CNGA1: variants seen among roughly 807,000 people sequenced by gnomAD.
CNGA1 encodes cyclic nucleotide gated channel subunit alpha 1, also known as cyclic nucleotide-gated channel alpha-1.
Under a neutral mutation model 69.7 loss-of-function variants are expected in CNGA1, and 53 were observed. The ratio of observed to expected loss-of-function variants is 0.76; its 90% CI spans 0.61 to 0.96. The LOEUF (loss-of-function observed/expected upper bound fraction) is 0.96. Ranked by LOEUF, CNGA1 falls within the 40% of genes least tolerant of loss-of-function variation. The probability of loss-of-function intolerance (pLI) is 0.00; values close to 1 mark genes in which losing one functional copy is unlikely to be tolerated. For missense variants in CNGA1, 739 were observed against 811.2 expected (o/e 0.91, Z 1.08); for synonymous variants, 249 against 283.5 (o/e 0.88, Z 1.22).
At chr4:48,000,344 CA>C (rs767887019) in intron 2 of CNGA1, among the ~76,000 whole-genome samples, 9 of 150,636 alleles carry the variant, frequency 6.0e-5, no homozygotes, top group Middle Eastern at 3.5e-3. Context: ...CACTTCAAAG[CA>C]AATAAAAGCC....
Position 47,937,682 on chromosome 4 carries a change from C to T in CNGA1, c.800G>A (p.Arg267Lys). The T allele has an allele frequency of 6.2e-7, 1 of 1,614,112 alleles. No individual in the cohort carries two copies. The highest frequency in any genetic ancestry group is 8.5e-7 in the Non-Finnish European group (1 of 1,180,008). The change falls in exon 11 of 11, where the codon AGA (arginine) becomes AAA (lysine). Residue 267 changes from arginine to lysine, a missense_variant. Physicochemically the swap from Arg to Lys is conservative, Grantham distance 26 (BLOSUM62 2). Transcript: ENST00000514170. ...FKLGWNYPEIRLNRLLRFSRM... is the reference protein window; with the variant it reads ...FKLGWNYPEIKLNRLLRFSRM... ...AGAGAACCGTAACAACCTGTTTAAT[C>T]TAATTTCTGGATAGTTCCACCCTAA...
chr4:47,942,421 GAT>G (rs1437726861), intron 8 of CNGA1, among the ~76,000 whole-genome samples: 1 of 148,626 alleles, frequency 6.7e-6, no homozygotes, highest in Non-Finnish European at 1.5e-5. Context: ...ATGTTAAAGA[GAT>G]GTGTAAAAAT....
At chr4:47,942,884 T>G (rs980254287) in intron 8 of CNGA1, 19 of 227,220 alleles carry the variant, frequency 8.4e-5, no homozygotes, top group African/African-American at 3.6e-4. Flanking sequence ...TAAATATTTC[T>G]CAGCGATAAG....
At chr4:47,943,883 T>C (rs1425459194) in intron 6 of CNGA1, among the ~76,000 whole-genome samples, 1 of 152,206 alleles carries the variant, frequency 6.6e-6, no homozygotes, top group Non-Finnish European at 1.5e-5. Context: ...ACAAGCTGTC[T>C]GGTAATATGG....
At chr4:47,952,527 T>A in intron 4 of CNGA1, 56 bp downstream of exon 4, 1 of 1,579,892 alleles carries the variant, frequency 6.3e-7, no homozygotes, top group South Asian at 1.1e-5. Context: ...TAAATCTAGT[T>A]AAATTAAAGA....
chr4:47,992,879 T>C (rs2110237251), intron 2 of CNGA1, among the ~76,000 whole-genome samples: 1 of 152,178 alleles, frequency 6.6e-6, no homozygotes, highest in African/African-American at 2.4e-5. Flanking sequence ...ATGCTGATTT[T>C]GCTGAGAGTT....
At chr4:47,980,835 G>A (rs1346099218) in intron 3 of CNGA1, among the ~76,000 whole-genome samples, 1 of 151,606 alleles carries the variant, frequency 6.6e-6, no homozygotes, top group Non-Finnish European at 1.5e-5. Context: ...AGAAGGCAAG[G>A]TGATTTAAAT....
chr4:47,948,113 G>A (rs184118867), intron 6 of CNGA1, among the ~76,000 whole-genome samples: 1 of 151,944 alleles, frequency 6.6e-6, no homozygotes, highest in Admixed American at 6.5e-5. Context: ...ATTATTTAGG[G>A]GCATATGAAG....
intron 3 of CNGA1, among the ~76,000 whole-genome samples, chr4:47,967,445 C>T (rs981062156): frequency 3.3e-5 from 5 of 152,188 alleles, no homozygotes; most frequent in South Asian, 4.1e-4. Flanking sequence ...GAGGTTCTAG[C>T]GCTTGCAATA....
chr4:47,992,075 T>C (rs1250411174), intron 2 of CNGA1, among the ~76,000 whole-genome samples: 1 of 152,206 alleles, frequency 6.6e-6, no homozygotes, highest in Non-Finnish European at 1.5e-5. Flanking sequence ...TATGGCCTTA[T>C]AGTATAGTTT....
chr4:47,996,507 G>A (rs1049434327), intron 2 of CNGA1, among the ~76,000 whole-genome samples: 3 of 152,030 alleles, frequency 2.0e-5, no homozygotes, highest in African/African-American at 7.2e-5. Flanking sequence ...TCAAGGTATG[G>A]TAAATAGAAA....
chr4:48,003,241 T>C (rs1406553888), intron 2 of CNGA1, among the ~76,000 whole-genome samples: 1 of 152,114 alleles, frequency 6.6e-6, no homozygotes, highest in African/African-American at 2.4e-5. Context: ...GGCTTTCAGG[T>C]CATAGGTAGA....
At chr4:47,985,489 CT>C (rs1741937747) in intron 2 of CNGA1, among the ~76,000 whole-genome samples, 1 of 152,140 alleles carries the variant, frequency 6.6e-6, no homozygotes, top group African/African-American at 2.4e-5. Flanking sequence ...TTGCTTGTTA[CT>C]TGAAACTTTC....
In CNGA1 at chr4:47,937,036, A is replaced by G. The variant is rs369806156; in HGVS notation, c.1446T>C (p.Gly482=). 3 of 1,614,010 alleles carry G rather than the reference A, an allele frequency of 1.9e-6. No individual in the cohort carries two copies. Among genetic ancestry groups the G allele is most frequent in the African/African-American group, 1.3e-5 (1 of 74,894 alleles). ...ATTTCAAGACCAACTCCACCAACAG[A>G]CCAGCTTCACAATCAGCAAAAATGC... The part of the protein sequence containing the change: ...KVRIFADCEA[G]LLVELVLKLQ... The change falls in exon 11 of 11, where the codon GGT becomes GGC. Residue 482 remains glycine, a synonymous_variant. Coordinates refer to ENST00000514170, the MANE Select transcript of CNGA1 (RefSeq NM_001379270.1).
At chr4:47,996,641 T>C (rs765122464) in intron 2 of CNGA1, among the ~76,000 whole-genome samples, 1 of 152,198 alleles carries the variant, frequency 6.6e-6, no homozygotes, top group Non-Finnish European at 1.5e-5. Context: ...AATAATTCAT[T>C]GTAATTGTAT....
At chr4:47,974,008 C>T (rs1741191350) in intron 3 of CNGA1, among the ~76,000 whole-genome samples, 1 of 151,736 alleles carries the variant, frequency 6.6e-6, no homozygotes, top group African/African-American at 2.4e-5. Flanking sequence ...GCCTGGGCAA[C>T]ATGGCGAAAC....
At chr4:48,015,688 C>T (rs778978477) in intron 1 of CNGA1, among the ~76,000 whole-genome samples, 1 of 152,118 alleles carries the variant, frequency 6.6e-6, no homozygotes, top group Non-Finnish European at 1.5e-5. Flanking sequence ...CTGTAGCCTC[C>T]ACCTCCTGGG....
At chr4:47,987,965 A>G (rs1742058371) in intron 2 of CNGA1, among the ~76,000 whole-genome samples, 1 of 152,174 alleles carries the variant, frequency 6.6e-6, no homozygotes, top group Non-Finnish European at 1.5e-5. Context: ...AGAGGGATTT[A>G]AAGAGTTAAG....
intron 3 of CNGA1, among the ~76,000 whole-genome samples, chr4:47,956,060 A>T (rs1740067079): frequency 6.6e-6 from 1 of 152,202 alleles, no homozygotes; most frequent in Admixed American, 6.5e-5. Context: ...ATCTGCAAAA[A>T]CTGAAAGAGC....
Sources: gnomAD v4.1 joint callset for allele counts (sites outside exome capture counted in the v4.1 genomes callset) on GRCh38, gnomAD v4.1.1 for gene constraint, MANE v1.5 for transcripts, NCBI Gene and HGNC (gene_info 2026-07-23, HGNC 2026-07-21) for gene names.